Variants in FMNL2 observed in about 807,000 individuals in gnomAD.
FMNL2 encodes formin like 2.
FMNL2 carries 51 observed loss-of-function variants against 130.2 expected under a neutral mutation model. That is an observed-to-expected ratio of 0.39 (90% CI 0.31 to 0.49). FMNL2 has a LOEUF of 0.49. FMNL2 is among the 20% of genes least tolerant of loss of function. FMNL2 has a pLI of 0.85. For missense variants in FMNL2, 977 were observed against 1,316.2 expected, an observed-to-expected ratio of 0.74 and a Z score of 3.99; for synonymous variants, 465 against 467.1, an observed-to-expected ratio of 1.00 and a Z score of 0.06.
chr2:152,522,828 C>A (rs987144849), intron 2 of FMNL2, among the ~76,000 whole-genome samples: 2 of 152,148 alleles, frequency 1.3e-5, no homozygotes, highest in African/African-American at 2.4e-5. Context: ...ACAAATATAT[C>A]ATTATCTGTT....
chr2:152,498,424 T>C (rs1691634260), intron 1 of FMNL2, among the ~76,000 whole-genome samples: 1 of 152,146 alleles, frequency 6.6e-6, no homozygotes, highest in Non-Finnish European at 1.5e-5. Flanking sequence ...ATTTTACCAT[T>C]TTTTTTAAAA....
Position 152,460,136 on chromosome 2 carries a change from G to T in FMNL2, c.118-61807G>T, listed in dbSNP as rs867547414. Among the ~76,000 whole-genome samples the T allele has an allele frequency of 3.0e-4, 46 of 152,154 alleles. 1 individual carries two copies. Among genetic ancestry groups the T allele is most frequent in the African/African-American group, 9.2e-4 (38 of 41,428 alleles). On this transcript the variant is annotated intron_variant, in intron 1 of 25. Transcript: ENST00000288670. ...TGTGAAAATTTATGTCCTTTTCGCA[G>T]TGGGCTCATTTATATACGTAGTGGG...
At chr2:152,424,110 A>C (rs1687050980) in intron 1 of FMNL2, among the ~76,000 whole-genome samples, 1 of 152,194 alleles carries the variant, frequency 6.6e-6, no homozygotes, top group African/African-American at 2.4e-5. Flanking sequence ...AATTTGGAAG[A>C]TAGCAACCAT....
At chr2:152,556,086 C>A (rs759032311) in intron 4 of FMNL2, among the ~76,000 whole-genome samples, 87 of 152,208 alleles carry the variant, frequency 5.7e-4, no homozygotes, top group Non-Finnish European at 1.1e-3. Context: ...TTGAAAATGG[C>A]CAGTTCTCTC....
intron 9 of FMNL2, among the ~76,000 whole-genome samples, chr2:152,602,932 C>G (rs1484513534): frequency 1.3e-5 from 2 of 152,180 alleles, no homozygotes; most frequent in African/African-American, 4.8e-5. Flanking sequence ...TCACCCAGTG[C>G]GTGGGGGTGC....
chr2:152,569,957 G>A (rs1426157548), intron 6 of FMNL2, among the ~76,000 whole-genome samples: 1 of 150,098 alleles, frequency 6.7e-6, no homozygotes, highest in Non-Finnish European at 1.5e-5. Context: ...GTTGCAGTGA[G>A]CCAAGAGTGC....
chr2:152,399,313 G>A (rs1373279025), intron 1 of FMNL2, among the ~76,000 whole-genome samples: 1 of 152,218 alleles, frequency 6.6e-6, no homozygotes, highest in Non-Finnish European at 1.5e-5. Context: ...AGCACAGGAT[G>A]AGGGAGGATG....
chr2:152,575,953 G>T (rs539417929), intron 7 of FMNL2, among the ~76,000 whole-genome samples: 1 of 152,160 alleles, frequency 6.6e-6, no homozygotes, highest in African/African-American at 2.4e-5. Context: ...GGTGGAACAC[G>T]TGTGCTGGGT....
chr2:152,596,890 G>A (rs985988283), intron 9 of FMNL2, among the ~76,000 whole-genome samples: 1 of 152,166 alleles, frequency 6.6e-6, no homozygotes, highest in Non-Finnish European at 1.5e-5. Flanking sequence ...TTTCTTAAAG[G>A]TTAGTCACAA....
intron 2 of FMNL2, among the ~76,000 whole-genome samples, chr2:152,533,098 T>G (rs1693798226): frequency 6.6e-6 from 1 of 152,230 alleles, no homozygotes; most frequent in Admixed American, 6.5e-5. Flanking sequence ...TGAATTTATT[T>G]TTTAAGTGGC....
At chr2:152,516,644 A>G (rs954076963) in intron 1 of FMNL2, among the ~76,000 whole-genome samples, 2 of 152,164 alleles carry the variant, frequency 1.3e-5, no homozygotes, top group Admixed American at 6.5e-5. Flanking sequence ...GTTTCTAAGT[A>G]TGAGCCTTGA....
At chr2:152,422,463 G>A (rs923058241) in intron 1 of FMNL2, among the ~76,000 whole-genome samples, 9 of 152,036 alleles carry the variant, frequency 5.9e-5, no homozygotes, top group Admixed American at 5.9e-4. Flanking sequence ...GCTTTATTGA[G>A]GTATACTTTA....
At chr2:152,515,742 A>G (rs1039260401) in intron 1 of FMNL2, among the ~76,000 whole-genome samples, 1 of 152,200 alleles carries the variant, frequency 6.6e-6, no homozygotes, top group Non-Finnish European at 1.5e-5. Context: ...AAAGATAATA[A>G]CTACTTGTCA....
chr2:152,514,593 C>T (rs1419398807), intron 1 of FMNL2, among the ~76,000 whole-genome samples: 4 of 152,124 alleles, frequency 2.6e-5, no homozygotes, highest in African/African-American at 7.2e-5. Flanking sequence ...TATCTGGAAC[C>T]TTAAATAGTA....
chr2:152,469,139 T>G (rs1271503407), intron 1 of FMNL2, among the ~76,000 whole-genome samples: 1 of 152,222 alleles, frequency 6.6e-6, no homozygotes, highest in Admixed American at 6.5e-5. Context: ...TTCTTCCTTT[T>G]GGGTGGATTT....
At chr2:152,338,191 T>A (rs1052374208) in intron 1 of FMNL2, among the ~76,000 whole-genome samples, 1 of 152,188 alleles carries the variant, frequency 6.6e-6, no homozygotes, top group Non-Finnish European at 1.5e-5. Flanking sequence ...GAAATTGTGT[T>A]GGCATTATTG....
chr2:152,564,776 G>GTTTTTTGT (rs1553477789), intron 6 of FMNL2, among the ~76,000 whole-genome samples: 1 of 79,324 alleles, frequency 1.3e-5, no homozygotes, highest in Non-Finnish European at 2.4e-5. Context: ...TACAAGGTTG[G>GTTTTTTGT]TTTTTTTTTT....
At chr2:152,426,870 A>AG (rs1687227491) in intron 1 of FMNL2, among the ~76,000 whole-genome samples, 1 of 152,226 alleles carries the variant, frequency 6.6e-6, no homozygotes, top group South Asian at 2.1e-4. Context: ...AAGAAGCCTA[A>AG]CAGGTATTTG....
intron 15 of FMNL2, chr2:152,625,169 T>A (rs1681693038): frequency 2.7e-6 from 1 of 371,728 alleles, no homozygotes; most frequent in Non-Finnish European, 4.9e-6. Context: ...AGCAAATTAG[T>A]TGCCTGAGTT....
Sources: allele counts gnomAD v4.1 joint callset (sites outside exome capture counted in the v4.1 genomes callset), GRCh38; gene constraint gnomAD v4.1.1; transcripts MANE v1.5; gene names NCBI Gene and HGNC (gene_info 2026-07-23, HGNC 2026-07-21).